Variants in PRKG1 observed in about 807,000 individuals in gnomAD.
PRKG1 encodes the protein cGMP-dependent protein kinase 1.
A neutral mutation model predicts 88.1 loss-of-function variants in PRKG1; 35 were observed. The ratio of observed to expected loss-of-function variants is 0.40; its 90% CI spans 0.30 to 0.53. The LOEUF (loss-of-function observed/expected upper bound fraction) is 0.53, where lower values mean the gene tolerates loss of function less well. Among genes scored for constraint, PRKG1 ranks in the 20% least tolerant of loss-of-function variants. The probability of loss-of-function intolerance (pLI) is 0.59; values close to 1 mark genes in which losing one functional copy is unlikely to be tolerated. For synonymous variants in PRKG1, 303 were observed against 292.5 expected (o/e 1.04, Z -0.37); for missense variants, 540 against 839.8 (o/e 0.64, Z 4.41).
At chr10:52,001,365 A>C (rs76835485) in intron 5 of PRKG1, among the ~76,000 whole-genome samples, 1 of 56,592 alleles carries the variant, frequency 1.8e-5, no homozygotes, top group South Asian at 5.8e-4. Flanking sequence ...TTCTCACCAT[A>C]AAAAAAAAAA....
At chr10:51,939,576 T>A (rs1187255136) in intron 5 of PRKG1, among the ~76,000 whole-genome samples, 1 of 148,668 alleles carries the variant, frequency 6.7e-6, no homozygotes, top group East Asian at 1.9e-4. Context: ...TCTTTCTTGA[T>A]GAGTTTATAA....
intron 5 of PRKG1, among the ~76,000 whole-genome samples, chr10:51,952,682 A>G (rs1297928851): frequency 1.3e-5 from 2 of 152,184 alleles, no homozygotes; most frequent in Non-Finnish European, 2.9e-5. Flanking sequence ...GCATCATGGT[A>G]CAGAAAGAGC....
chr10:51,317,201 C>T (rs1008507748), intron 2 of PRKG1, among the ~76,000 whole-genome samples: 32 of 151,880 alleles, frequency 2.1e-4, no homozygotes, highest in African/African-American at 7.8e-4. Flanking sequence ...AACTATACAC[C>T]CAACTATTGC....
At position 52,249,206 on chromosome 10, in the gene PRKG1, A is replaced by G. The variant is rs994311392; in HGVS notation, c.1077-2364A>G. ...ACCAGAAGAGCAGGGCCCAAGACCA[A>G]TGTAAAAAAGCCCCCAACCTTCTTG... On this transcript the variant is annotated intron_variant, in intron 9 of 17. Transcript: ENST00000373980. Among the ~76,000 whole-genome samples the G allele has an allele frequency of 2.0e-5, 3 of 150,962 alleles. No individual in the cohort carries two copies. In the Admixed American group the frequency reaches 2.0e-4, roughly 10 times the overall value.
At chr10:51,592,234 A>G (rs1838330385) in intron 3 of PRKG1, among the ~76,000 whole-genome samples, 3 of 152,352 alleles carry the variant, frequency 2.0e-5, no homozygotes, top group Middle Eastern at 3.4e-3. Context: ...TGCTGAAAAG[A>G]TTGAATGATA....
intron 2 of PRKG1, among the ~76,000 whole-genome samples, chr10:51,446,649 A>C (rs1839280483): frequency 6.6e-6 from 1 of 152,070 alleles, no homozygotes; most frequent in African/African-American, 2.4e-5. Context: ...AATCAAAGGA[A>C]AACAACGGTC....
intron 3 of PRKG1, among the ~76,000 whole-genome samples, chr10:51,659,277 A>G (rs1255532065): frequency 1.3e-5 from 2 of 152,120 alleles, no homozygotes; most frequent in Non-Finnish European, 2.9e-5. Context: ...AATAACACAC[A>G]GGGATGACAG....
chr10:52,189,303 C>T (rs1839302604), intron 9 of PRKG1, among the ~76,000 whole-genome samples: 1 of 152,150 alleles, frequency 6.6e-6, no homozygotes, highest in South Asian at 2.1e-4. Flanking sequence ...TTCCCCACTT[C>T]TCCTGCAGGT....
intron 5 of PRKG1, among the ~76,000 whole-genome samples, chr10:51,959,990 A>C (rs1205785143): frequency 6.6e-6 from 1 of 152,092 alleles, no homozygotes; most frequent in Non-Finnish European, 1.5e-5. Context: ...GATTAGAAAT[A>C]TGTGTGATTT....
intron 2 of PRKG1, among the ~76,000 whole-genome samples, chr10:51,236,077 C>T (rs1838980400): frequency 6.6e-6 from 1 of 152,140 alleles, no homozygotes; most frequent in Admixed American, 6.6e-5. Flanking sequence ...GGTACTGATG[C>T]TCTTTGAGAA....
chr10:51,479,039 G>A (rs1274064596), intron 3 of PRKG1, among the ~76,000 whole-genome samples: 1 of 151,744 alleles, frequency 6.6e-6, no homozygotes, highest in East Asian at 1.9e-4. Flanking sequence ...AGCAAAAAGA[G>A]AGAAAAAGAG....
intron 5 of PRKG1, among the ~76,000 whole-genome samples, chr10:51,942,003 T>A (rs904764741): frequency 3.3e-5 from 5 of 152,072 alleles, no homozygotes; most frequent in African/African-American, 1.2e-4. Context: ...TATTTCTAGT[T>A]CTGGATCCCT....
At chr10:51,542,908 C>A (rs1020115013) in intron 3 of PRKG1, among the ~76,000 whole-genome samples, 3 of 152,154 alleles carry the variant, frequency 2.0e-5, no homozygotes, top group Non-Finnish European at 4.4e-5. Context: ...CAAACATTAA[C>A]GTTTTGATTC....
At chr10:51,398,415 G>T (rs770357550) in intron 2 of PRKG1, among the ~76,000 whole-genome samples, 1 of 152,182 alleles carries the variant, frequency 6.6e-6, no homozygotes, top group Non-Finnish European at 1.5e-5. Flanking sequence ...CTCACCTCCT[G>T]CTGTGTGGCC....
Position 52,224,836 on chromosome 10 carries a change from T to TATATAC in PRKG1, c.1077-26731_1077-26730insTACATA, listed in dbSNP as rs1457134141. 2.3e-3 allele frequency among the ~76,000 whole-genome samples: 210 copies of TATATAC among 89,834 alleles called. 2 individuals are homozygous for TATATAC. Among genetic ancestry groups the TATATAC allele is most frequent in the African/African-American group, 7.2e-3 (198 of 27,582 alleles). 58.9% of individuals were successfully genotyped at this position (89,834 alleles called of 152,430 possible). The stretch of plus-strand genomic sequence containing the variant: ...ATATATATATATATATATATATATA[T>TATATAC]ATACATACATACATACATATCTCAC... On this transcript the variant is annotated intron_variant, in intron 9 of 17. Coordinates refer to ENST00000373980, the MANE Select transcript of PRKG1 (RefSeq NM_006258.4).
At chr10:51,279,883 A>G (rs924753479) in intron 2 of PRKG1, among the ~76,000 whole-genome samples, 1 of 152,262 alleles carries the variant, frequency 6.6e-6, no homozygotes, top group East Asian at 1.9e-4. Flanking sequence ...ATTTAAGTTT[A>G]ATATTGTTAT....
At chr10:51,919,782 A>G (rs990904525) in intron 5 of PRKG1, among the ~76,000 whole-genome samples, 3 of 151,926 alleles carry the variant, frequency 2.0e-5, no homozygotes, top group African/African-American at 4.8e-5. Flanking sequence ...GCTTGATCCT[A>G]TATTGCCTGG....
At chr10:51,344,192 A>G (rs1842062858) in intron 2 of PRKG1, among the ~76,000 whole-genome samples, 1 of 152,164 alleles carries the variant, frequency 6.6e-6, no homozygotes, top group South Asian at 2.1e-4. Flanking sequence ...ACTTACAATC[A>G]TGACAGAAGG....
chr10:51,970,310 A>AT (rs1843677306), intron 5 of PRKG1, among the ~76,000 whole-genome samples: 1 of 151,892 alleles, frequency 6.6e-6, no homozygotes, highest in Admixed American at 6.6e-5. Flanking sequence ...TTTCTTTTAG[A>AT]TCATGATCCA....
Sources: allele counts gnomAD v4.1 joint callset (sites outside exome capture counted in the v4.1 genomes callset), GRCh38; gene constraint gnomAD v4.1.1; transcripts MANE v1.5; gene names NCBI Gene and HGNC (gene_info 2026-07-23, HGNC 2026-07-21).